Variants in NEK11 observed in about 807,000 individuals in gnomAD.
NEK11 encodes serine/threonine-protein kinase Nek11.
A neutral mutation model predicts 80.7 loss-of-function variants in NEK11; 72 were observed. The ratio of observed to expected loss-of-function variants is 0.89; its 90% CI spans 0.74 to 1.08. The LOEUF is 1.08. Among genes scored for constraint, NEK11 ranks in the 50% least tolerant of loss-of-function variants. The pLI, the probability that NEK11 is intolerant of heterozygous loss-of-function variation, is 0.00. For missense variants in NEK11, 764 were observed against 763.6 expected (o/e 1.00, Z -0.01); for synonymous variants, 251 against 260.7 (o/e 0.96, Z 0.36).
intron 14 of NEK11, among the ~76,000 whole-genome samples, chr3:131,200,810 G>A (rs896248643): frequency 1.2e-4 from 19 of 152,140 alleles, no homozygotes; most frequent in South Asian, 2.1e-4. Flanking sequence ...TGCAGCACCC[G>A]ATTAAAGCCT....
intron 16 of NEK11, among the ~76,000 whole-genome samples, chr3:131,251,204 A>G (rs973994814): frequency 1.3e-5 from 2 of 151,800 alleles, no homozygotes; most frequent in African/African-American, 4.8e-5. Context: ...TAAATACAAA[A>G]AAAAAAAAAA....
At chr3:131,156,726 A>T (rs994233578) in intron 10 of NEK11, among the ~76,000 whole-genome samples, 3 of 152,084 alleles carry the variant, frequency 2.0e-5, no homozygotes, top group Non-Finnish European at 1.5e-5. Flanking sequence ...TATGACTATA[A>T]AAAAAAGTAC....
At chr3:131,128,018 A>T (rs2083666367) in intron 5 of NEK11, among the ~76,000 whole-genome samples, 1 of 152,196 alleles carries the variant, frequency 6.6e-6, no homozygotes, top group African/African-American at 2.4e-5. Flanking sequence ...TATTTTTTAA[A>T]GCAGTTTTAG....
intron 5 of NEK11, among the ~76,000 whole-genome samples, chr3:131,122,213 G>A (rs774383420): frequency 8.5e-5 from 13 of 152,264 alleles, no homozygotes; most frequent in South Asian, 4.2e-4. Flanking sequence ...ATCTGAGTCC[G>A]TAAATATGAC....
rs972831207 is a variant in NEK11, at chr3:131,168,517, C to T, written c.1177-313C>T. On this transcript the variant is annotated intron_variant, in intron 12 of 17. Coordinates refer to ENST00000383366, the MANE Select transcript of NEK11 (RefSeq NM_024800.5). The stretch of plus-strand genomic sequence containing the variant: ...GACTACAGGCGCCCGCCACTACGCC[C>T]GGCTAATTTTTTGTATTTTTAGTAG... Among the ~76,000 whole-genome samples, 7 of 151,202 alleles carry T rather than the reference C, an allele frequency of 4.6e-5. No homozygotes were observed. The East Asian group carries it at 5.8e-4, about 13-fold the overall frequency.
At chr3:131,231,423 G>C (rs755714208) in intron 15 of NEK11, among the ~76,000 whole-genome samples, 19 of 146,924 alleles carry the variant, frequency 1.3e-4, no homozygotes, top group Non-Finnish European at 2.7e-4. Context: ...TATTGACCTA[G>C]AATGGACTTG....
At chr3:131,091,891 T>C (rs963017519) in intron 4 of NEK11, among the ~76,000 whole-genome samples, 2 of 152,222 alleles carry the variant, frequency 1.3e-5, no homozygotes, top group African/African-American at 4.8e-5. Context: ...TTTTATAGGA[T>C]GGACACAAAA....
At chr3:131,321,685 G>A (rs919578816) in intron 17 of NEK11, among the ~76,000 whole-genome samples, 1 of 151,880 alleles carries the variant, frequency 6.6e-6, no homozygotes, top group Non-Finnish European at 1.5e-5. Flanking sequence ...AAATGGGCAA[G>A]ACATGGACAC....
intron 16 of NEK11, among the ~76,000 whole-genome samples, chr3:131,270,204 A>G (rs2096152456): frequency 6.6e-6 from 1 of 151,944 alleles, no homozygotes; most frequent in Admixed American, 6.6e-5. Context: ...ACAAATACAG[A>G]CCCCCCAAAA....
At chr3:131,236,861 A>G (rs904737339) in intron 15 of NEK11, among the ~76,000 whole-genome samples, 2 of 152,240 alleles carry the variant, frequency 1.3e-5, no homozygotes, top group African/African-American at 2.4e-5. Context: ...TTATGAATGC[A>G]TATAAGCAAG....
intron 2 of NEK11, among the ~76,000 whole-genome samples, chr3:131,028,552 T>TTTTTTGTTTTTG (rs140998369): frequency 2.0e-5 from 3 of 149,894 alleles, no homozygotes; most frequent in Non-Finnish European, 4.5e-5. Context: ...TGCCTTTCTT[T>TTTTTTGTTTTTG]TTTTTGTTTT....
chr3:131,050,970 C>T (rs1252039439), intron 3 of NEK11, among the ~76,000 whole-genome samples: 2 of 152,166 alleles, frequency 1.3e-5, no homozygotes, highest in African/African-American at 2.4e-5. Flanking sequence ...GTGGTCAAGG[C>T]TGCAGTGAAC....
intron 4 of NEK11, among the ~76,000 whole-genome samples, chr3:131,106,523 G>A (rs1460805033): frequency 1.3e-5 from 2 of 151,996 alleles, no homozygotes; most frequent in Admixed American, 6.6e-5. Context: ...AATAAACCTA[G>A]GGGAGAAGAG....
At chr3:131,248,126 T>A (rs2095636665) in intron 16 of NEK11, among the ~76,000 whole-genome samples, 1 of 152,120 alleles carries the variant, frequency 6.6e-6, no homozygotes, top group South Asian at 2.1e-4. Flanking sequence ...CTCCTAGTAC[T>A]GTGTGGAACA....
At chr3:131,036,656 G>A (rs1018556289) in intron 3 of NEK11, among the ~76,000 whole-genome samples, 1 of 152,212 alleles carries the variant, frequency 6.6e-6, no homozygotes, top group Non-Finnish European at 1.5e-5. Flanking sequence ...TTAAGAAGTA[G>A]CCAGTGGTTT....
chr3:131,323,925 C>T lies in NEK11; in HGVS notation c.1719-25632C>T, dbSNP rs541725957. 3.3e-5 allele frequency among the ~76,000 whole-genome samples: 5 copies of T among 152,282 alleles called. No individual in the cohort carries two copies. In the South Asian group the frequency reaches 8.3e-4, roughly 25 times the overall value. On this transcript the variant is annotated intron_variant, in intron 17 of 17. Coordinates refer to ENST00000383366, the MANE Select transcript of NEK11 (RefSeq NM_024800.5). ...ATTGTGCTTCTGTGTCAGGCATGCACTGGGACTGTCTCAGTAAACGGCTAC... is the reference window on the plus strand; with the variant it reads ...ATTGTGCTTCTGTGTCAGGCATGCATTGGGACTGTCTCAGTAAACGGCTAC...
intron 17 of NEK11, among the ~76,000 whole-genome samples, chr3:131,290,526 C>T (rs773223442): frequency 4.6e-4 from 70 of 152,188 alleles, no homozygotes; most frequent in Non-Finnish European, 8.5e-4. Flanking sequence ...CAGGCTGCTA[C>T]CCAGGTCAGG....
intron 5 of NEK11, among the ~76,000 whole-genome samples, chr3:131,115,661 G>C (rs1048691367): frequency 7.9e-5 from 12 of 152,112 alleles, no homozygotes; most frequent in Admixed American, 2.6e-4. Context: ...TACTGTTCTG[G>C]GCGGGGAGTT....
intron 4 of NEK11, among the ~76,000 whole-genome samples, chr3:131,099,492 AATT>A (rs1218562922): frequency 6.6e-6 from 1 of 152,154 alleles, no homozygotes; most frequent in Non-Finnish European, 1.5e-5. Context: ...AGTTTTTTCT[AATT>A]CTGTGAAGAA....
Sources: gnomAD v4.1 joint callset for allele counts (sites outside exome capture counted in the v4.1 genomes callset) on GRCh38, gnomAD v4.1.1 for gene constraint, MANE v1.5 for transcripts, NCBI Gene and HGNC (gene_info 2026-07-23, HGNC 2026-07-21) for gene names.